The following OSMR variants were observed in gnomAD, a reference collection of about 807,000 sequenced individuals.
OSMR encodes oncostatin-M-specific receptor subunit beta.
OSMR carries 81 observed loss-of-function variants against 99.9 expected under a neutral mutation model. The observed-to-expected ratio is 0.81, with a 90% CI of 0.68 to 0.97. OSMR has a LOEUF of 0.97. Ranked by LOEUF, OSMR falls within the 50% of genes least tolerant of loss-of-function variation. OSMR has a pLI of 0.00. For synonymous variants in OSMR, 406 were observed against 410.4 expected (o/e 0.99, Z 0.13); for missense variants, 1,099 against 1,153.4 (o/e 0.95, Z 0.68).
intron 15 of OSMR, among the ~76,000 whole-genome samples, chr5:38,928,918 C>A (rs1184503789): frequency 1.3e-5 from 2 of 152,168 alleles, no homozygotes; most frequent in Non-Finnish European, 2.9e-5. Context: ...CACATGTGCA[C>A]ACACACACTT....
chr5:38,915,571 G>A (rs1199139500), intron 9 of OSMR, among the ~76,000 whole-genome samples: 1 of 152,134 alleles, frequency 6.6e-6, no homozygotes, highest in African/African-American at 2.4e-5. Context: ...ATCACATCTT[G>A]TATTTAAATT....
At chr5:38,853,137 G>A (rs1414435058) in intron 1 of OSMR, among the ~76,000 whole-genome samples, 2 of 152,012 alleles carry the variant, frequency 1.3e-5, no homozygotes, top group African/African-American at 4.8e-5. Flanking sequence ...TTTTGCTTAT[G>A]AGTTTTATAT....
Position 38,869,059 on chromosome 5 carries a change from A to G in OSMR, c.15A>G (p.Ala5=). 6.2e-7 allele frequency: 1 copy of G among 1,613,878 alleles called. No homozygotes were observed. The highest frequency in any genetic ancestry group is 8.5e-7 in the Non-Finnish European group (1 of 1,179,740). The change falls in exon 2 of 18, where the codon GCA becomes GCG. Residue 5 remains alanine (A), a synonymous_variant. Coordinates refer to ENST00000274276, the MANE Select transcript of OSMR (RefSeq NM_003999.3). The part of the protein sequence containing the change: MALF[A]VFQTTFFLTL... ...AACCAGAACTGATGGCTCTATTTGC[A>G]GTCTTTCAGACAACATTCTTCTTAA...
chr5:38,926,028 A>G (rs950565291), intron 15 of OSMR, among the ~76,000 whole-genome samples: 3 of 152,228 alleles, frequency 2.0e-5, no homozygotes, highest in African/African-American at 7.2e-5. Flanking sequence ...AACAGTAAGA[A>G]CTGGTTGATG....
downstream of OSMR, chr5:38,939,609 A>T (rs1373727674): frequency 4.3e-6 from 1 of 231,550 alleles, no homozygotes; most frequent in African/African-American, 2.2e-5. Flanking sequence ...AAAAAGTTCA[A>T]TTAGAAATAA....
At chr5:38,909,125 A>C (rs1561392517) in intron 9 of OSMR, among the ~76,000 whole-genome samples, 1 of 152,226 alleles carries the variant, frequency 6.6e-6, no homozygotes, top group Non-Finnish European at 1.5e-5. Context: ...TTCATAATAC[A>C]AATGCAAGCT....
chr5:38,919,939 A>G (rs1198571202), intron 11 of OSMR, among the ~76,000 whole-genome samples: 3 of 152,236 alleles, frequency 2.0e-5, no homozygotes, highest in African/African-American at 7.2e-5. Flanking sequence ...GTGCCATAGA[A>G]GAAAAACCAA....
chr5:38,897,719 T>C (rs1744609257), intron 7 of OSMR, among the ~76,000 whole-genome samples: 1 of 152,074 alleles, frequency 6.6e-6, no homozygotes, highest in Admixed American at 6.5e-5. Flanking sequence ...GGTTGTGTAT[T>C]TGAAGTTTTT....
chr5:38,923,971 G>A (rs990897961), intron 13 of OSMR, among the ~76,000 whole-genome samples: 4 of 152,116 alleles, frequency 2.6e-5, no homozygotes, highest in African/African-American at 9.7e-5. Flanking sequence ...CACAACCTGG[G>A]AACTAGAGTT....
chr5:38,911,844 T>C (rs1328297326), intron 9 of OSMR, among the ~76,000 whole-genome samples: 1 of 152,182 alleles, frequency 6.6e-6, no homozygotes, highest in African/African-American at 2.4e-5. Context: ...CAGAAAAAGC[T>C]TTTGATGAAA....
chr5:38,858,516 T>A lies in OSMR; in HGVS notation c.-13-10516T>A, dbSNP rs10461994. ...CATTTTCTGTATCACTTGTCTGGTG[T>A]ACAACACAGTTTAATTCCATATCTT... On this transcript the variant is annotated intron_variant, in intron 1 of 17. Coordinates refer to ENST00000274276, the MANE Select transcript of OSMR (RefSeq NM_003999.3). Among the ~76,000 whole-genome samples the A allele has an allele frequency of 0.025, 3,774 of 152,284 alleles. 385 individuals carry two copies. The East Asian group carries it at 0.38, about 15-fold the overall frequency.
At chr5:38,923,108 C>T (rs1352806036) in intron 12 of OSMR, 42 bp from the exon 13 acceptor site, 4 of 1,611,076 alleles carry the variant, frequency 2.5e-6, no homozygotes, top group Non-Finnish European at 2.5e-6. Flanking sequence ...AATTAGGAAA[C>T]ATCATTCTGT....
rs891388739 is a variant in OSMR, at chr5:38,934,154, T to C, written c.*710T>C. On this transcript the variant is annotated 3_prime_UTR_variant, in exon 18 of 18. Coordinates refer to ENST00000274276, the MANE Select transcript of OSMR (RefSeq NM_003999.3). ...GTAACTTCTGACTTACTGTCAGTTG[T>C]ACTTCTGCTCCATAGACATCAGTAT... The C allele has an allele frequency of 2.6e-5, 4 of 152,676 alleles. No homozygotes were observed. Among genetic ancestry groups the C allele is most frequent in the Admixed American group, 6.5e-5 (1 of 15,290 alleles). The allele number at this position is 152,676 out of a possible 1,614,324, so 9.5% of individuals were successfully genotyped here.
At position 38,933,605 on chromosome 5, in the gene OSMR, T is replaced by C. The variant is rs989953837; in HGVS notation, c.*161T>C. On this transcript the variant is annotated 3_prime_UTR_variant, in exon 18 of 18. Coordinates refer to ENST00000274276, the MANE Select transcript of OSMR (RefSeq NM_003999.3). The stretch of plus-strand genomic sequence containing the variant: ...TGGCTAGGTTAAAGGCCAGAGGCTA[T>C]GGAACTTAACACTCCCCATTGGAGC... 16 of 755,684 alleles carry C rather than the reference T, an allele frequency of 2.1e-5. No individual in the cohort carries two copies. The highest frequency in any genetic ancestry group is 3.5e-5 in the Non-Finnish European group (16 of 453,266). 46.8% of individuals were successfully genotyped at this position (755,684 alleles called of 1,614,324 possible). A position where few individuals can be genotyped will look rare whatever the true frequency, so the allele number is the denominator to read the frequency against.
chr5:38,926,105 A>G (rs1372296073), intron 15 of OSMR, among the ~76,000 whole-genome samples: 1 of 152,240 alleles, frequency 6.6e-6, no homozygotes, highest in Non-Finnish European at 1.5e-5. Context: ...GAAAATAGAT[A>G]CTGATGGAAG....
intron 2 of OSMR, among the ~76,000 whole-genome samples, chr5:38,870,670 C>T (rs1742318356): frequency 6.6e-6 from 1 of 152,186 alleles, no homozygotes; most frequent in Admixed American, 6.5e-5. Context: ...AAGCTTTCCT[C>T]CTTAAAGGGA....
At chr5:38,899,248 T>G (rs951802251) in intron 7 of OSMR, among the ~76,000 whole-genome samples, 24 of 152,198 alleles carry the variant, frequency 1.6e-4, no homozygotes, top group Non-Finnish European at 3.2e-4. Flanking sequence ...TGTGAGCCAC[T>G]GTGTCCGGCC....
In OSMR at chr5:38,881,474, T is replaced by C. The variant is rs889444070; in HGVS notation, c.247-119T>C. 1.9e-6 allele frequency: 3 copies of C among 1,590,224 alleles called. No individual in the cohort carries two copies. The African/African-American group carries it at 4.0e-5, about 21-fold the overall frequency. On this transcript the variant is annotated intron_variant, in intron 3 of 17. Transcript: ENST00000274276. ...ATTGACTAGCAGAAGTGGAATTCAC[T>C]GGCACATATCGTGGACCTGCAATGG...
intron 2 of OSMR, among the ~76,000 whole-genome samples, chr5:38,875,431 G>A (rs981054435): frequency 2.2e-4 from 34 of 152,174 alleles, no homozygotes; most frequent in Non-Finnish European, 4.1e-4. Flanking sequence ...TTGCAGTGGC[G>A]CCATTGGTGG....
Sources: allele counts gnomAD v4.1 joint callset (sites outside exome capture counted in the v4.1 genomes callset), GRCh38; gene constraint gnomAD v4.1.1; transcripts MANE v1.5; gene names NCBI Gene and HGNC (gene_info 2026-07-23, HGNC 2026-07-21).